Variants in INTS1 observed in about 807,000 individuals in gnomAD.
INTS1 encodes the protein integrator complex subunit 1.
In INTS1, 137 loss-of-function variants were observed where a neutral mutation model predicts 241.6. That is an observed-to-expected ratio of 0.57 (90% CI 0.49 to 0.65). The LOEUF is 0.65. Among genes scored for constraint, INTS1 ranks in the 30% least tolerant of loss-of-function variants. INTS1 has a pLI of 0.00. For missense variants in INTS1, 3,073 were observed against 3,032.2 expected, an observed-to-expected ratio of 1.01 and a Z score of -0.32; for synonymous variants, 1,692 against 1,337.8, an observed-to-expected ratio of 1.26 and a Z score of -5.78.
intron 2 of INTS1, among the ~76,000 whole-genome samples, chr7:1,503,613 C>T (rs1783310044): frequency 6.6e-6 from 1 of 152,234 alleles, no homozygotes; most frequent in East Asian, 1.9e-4. Context: ...CTACACTGTG[C>T]TGCCTCCCGC....
chr7:1,492,594 A>G (rs1782612723), intron 16 of INTS1, among the ~76,000 whole-genome samples: 1 of 150,524 alleles, frequency 6.6e-6, no homozygotes, highest in Non-Finnish European at 1.5e-5. Context: ...TTCTCTCTCG[A>G]TAAAGCCGTG....
At position 1,485,345 on chromosome 7, in the gene INTS1, G is replaced by C; in HGVS notation, c.3101C>G (p.Pro1034Arg). 1.2e-6 allele frequency: 2 copies of C among 1,611,796 alleles called. No individual in the cohort carries two copies. Among genetic ancestry groups the C allele is most frequent in the Middle Eastern group, 1.7e-4 (1 of 6,058 alleles). ...QGYQWLLRDLPRLPLFDSVRS... is the reference protein window; with the variant it reads ...QGYQWLLRDLRRLPLFDSVRS... ...GACGCTGTCGAACAGAGGCAGGCGAGGCAGGTCCCGCAGCAGCCACTGATA... is the reference window on the plus strand; with the variant it reads ...GACGCTGTCGAACAGAGGCAGGCGACGCAGGTCCCGCAGCAGCCACTGATA... Residue 1034 changes from proline to arginine, a missense_variant, in exon 23 of 48, where the codon CCT (proline) becomes CGT (arginine). By Grantham distance (103) the Pro-to-Arg change is moderately radical (BLOSUM62 -2). Coordinates refer to ENST00000404767, the MANE Select transcript of INTS1 (RefSeq NM_001080453.3).
intron 12 of INTS1, 72 bp downstream of exon 12, chr7:1,496,084 G>A (rs1042011343): frequency 7.4e-5 from 91 of 1,232,986 alleles, no homozygotes; most frequent in Admixed American, 2.2e-4. Context: ...GTGCAGCCTC[G>A]GAGAGCCGCC....
chr7:1,474,559 C>G, intron 40 of INTS1, 146 bp downstream of exon 40: 1 of 1,271,772 alleles, frequency 7.9e-7, no homozygotes, highest in South Asian at 1.5e-5. Context: ...CAGCTCAGTC[C>G]TGACTTCCCC....
chr7:1,485,487 G>A lies in INTS1; in HGVS notation c.2977-18C>T, dbSNP rs772312558. 1.2e-6 allele frequency: 2 copies of A among 1,609,488 alleles called. No homozygotes were observed. The highest frequency in any genetic ancestry group is 1.7e-5 in the Admixed American group (1 of 59,866). ...GACAAACCCTGTGGCAGACACTCAT[G>A]AGCTGGGCCGGCTTTCGGCAGTGCA... On this transcript the variant is annotated intron_variant, in intron 22 of 47. Transcript: ENST00000404767.
At chr7:1,473,745 CAG>C (rs1233492675) in intron 41 of INTS1, 52 bp from the exon 42 acceptor site, 10 of 1,607,284 alleles carry the variant, frequency 6.2e-6, no homozygotes, top group Non-Finnish European at 8.5e-6. Context: ...AGGGCCAAAA[CAG>C]AGCCTGTGCT....
At chr7:1,473,912 C>G (rs1249327075) in intron 41 of INTS1, among the ~76,000 whole-genome samples, 2 of 152,210 alleles carry the variant, frequency 1.3e-5, no homozygotes, top group Admixed American at 1.3e-4. Context: ...ATGAGGGGCT[C>G]GAGGTAGCAC....
In INTS1 at chr7:1,476,551, C is replaced by CCACCCCCTCTCCCGGATGGGT. The variant is rs1562488380; in HGVS notation, c.5151+18_5151+19insACCCATCCGGGAGAGGGGGTG. Reference sequence around the variant, plus strand: ...TGGGCCACCCCCTCTCCCGGATGGGCCACCCTCCCAAGACCTGCCTGCGGG... The same window carrying CCACCCCCTCTCCCGGATGGGT: ...TGGGCCACCCCCTCTCCCGGATGGGCCACCCCCTCTCCCGGATGGGTCACCCTCCCAAGACCTGCCTGCGGG... On this transcript the variant is annotated intron_variant, in intron 37 of 47. Coordinates refer to ENST00000404767, the MANE Select transcript of INTS1 (RefSeq NM_001080453.3). 6 of 1,612,062 alleles carry CCACCCCCTCTCCCGGATGGGT rather than the reference C, an allele frequency of 3.7e-6. No individual in the cohort carries two copies. In the South Asian group the frequency reaches 5.5e-5, roughly 15 times the overall value.
chr7:1,476,708 G>A (rs1215854441), intron 36 of INTS1, 51 bp from the exon 37 acceptor site: 3 of 1,612,212 alleles, frequency 1.9e-6, no homozygotes, highest in East Asian at 2.2e-5. Flanking sequence ...CTCAGCATGG[G>A]AGATACCAGT....
At chr7:1,476,176 C>A in intron 38 of INTS1, 53 bp downstream of exon 38, 3 of 1,529,414 alleles carry the variant, frequency 2.0e-6, no homozygotes, top group South Asian at 2.4e-5. Context: ...TGGGCCTCGA[C>A]CCCCTCCATG....
intron 46 of INTS1, 44 bp from the exon 47 acceptor site, chr7:1,470,999 C>G (rs1260957193): frequency 1.5e-5 from 23 of 1,525,306 alleles, no homozygotes; most frequent in Admixed American, 2.0e-5. Context: ...ACCCTGTGCC[C>G]ACGCCAGACC....
Position 1,495,885 on chromosome 7 carries a change from G to A in INTS1, c.1711+271C>T, listed in dbSNP as rs563801480. ...CTCCCCACTCCCGCCCGTGGCTGGG[G>A]CCACCACGCCTGCAATGCCCCCATG... is the stretch of plus-strand genomic sequence containing the variant. On this transcript the variant is annotated intron_variant, in intron 12 of 47. Coordinates refer to ENST00000404767, the MANE Select transcript of INTS1 (RefSeq NM_001080453.3). 5.3e-5 allele frequency among the ~76,000 whole-genome samples: 8 copies of A among 152,318 alleles called. No homozygotes were observed. In the South Asian group the frequency reaches 1.7e-3, roughly 32 times the overall value.
Position 1,487,305 on chromosome 7 carries a change from A to T in INTS1, c.2646+15T>A, listed in dbSNP as rs774788805. ...CAAGACCACCATCTCTACCTCCTGG[A>T]GCCTCGGCACTCACCTGCCGCTGGA... is the stretch of plus-strand genomic sequence containing the variant. On this transcript the variant is annotated intron_variant, in intron 20 of 47. Coordinates refer to ENST00000404767, the MANE Select transcript of INTS1 (RefSeq NM_001080453.3). 2 of 1,578,262 alleles carry T rather than the reference A, an allele frequency of 1.3e-6. No individual in the cohort carries two copies. The highest frequency in any genetic ancestry group is 1.7e-6 in the Non-Finnish European group (2 of 1,162,498).
chr7:1,498,612 G>A, intron 9 of INTS1, 59 bp from the exon 10 acceptor site: 8 of 1,596,518 alleles, frequency 5.0e-6, no homozygotes, highest in Non-Finnish European at 6.8e-6. Context: ...CACTCCGCCT[G>A]TGCCCCCACT....
At chr7:1,472,511 G>C (rs1192851386) in intron 43 of INTS1, 125 bp from the exon 44 acceptor site, 1 of 638,458 alleles carries the variant, frequency 1.6e-6, no homozygotes, top group East Asian at 2.8e-5. Flanking sequence ...CCTGCACACA[G>C]CAGCGCTCCA....
intron 44 of INTS1, 93 bp downstream of exon 44, chr7:1,472,180 A>T: frequency 1.0e-6 from 1 of 974,446 alleles, no homozygotes; most frequent in East Asian, 2.6e-5. Context: ...GGCTCACGCC[A>T]AAGTCAGTGC....
At chr7:1,503,427 A>G (rs1245284852) in intron 2 of INTS1, among the ~76,000 whole-genome samples, 1 of 152,158 alleles carries the variant, frequency 6.6e-6, no homozygotes, top group Non-Finnish European at 1.5e-5. Flanking sequence ...GTCTATCCAA[A>G]TTAGTGTGCT....
intron 3 of INTS1, among the ~76,000 whole-genome samples, chr7:1,501,576 T>C (rs944483536): frequency 6.6e-6 from 1 of 152,160 alleles, no homozygotes; most frequent in African/African-American, 2.4e-5. Flanking sequence ...TCCTCTCATC[T>C]TCAAAACCTC....
In INTS1 at chr7:1,489,466, G is replaced by A. The variant is rs371846290; in HGVS notation, c.2258-62C>T. Reference sequence around the variant, plus strand: ...CCTGGGCACCAGGCGTGTGACCCCCGCTTCTCCCAGCTCCTCCTCTCATCC... The same window carrying A: ...CCTGGGCACCAGGCGTGTGACCCCCACTTCTCCCAGCTCCTCCTCTCATCC... On this transcript the variant is annotated intron_variant, in intron 17 of 47. Transcript: ENST00000404767. The A allele has an allele frequency of 4.6e-4, 724 of 1,557,846 alleles. No homozygotes were observed. In the African/African-American group the frequency reaches 6.8e-3, roughly 15 times the overall value.
Sources: allele counts gnomAD v4.1 joint callset (sites outside exome capture counted in the v4.1 genomes callset), GRCh38; gene constraint gnomAD v4.1.1; transcripts MANE v1.5; gene names NCBI Gene and HGNC (gene_info 2026-07-23, HGNC 2026-07-21).